FRMD4A: variants seen among roughly 807,000 people sequenced by gnomAD.
FRMD4A encodes FERM domain containing 4A.
Under a neutral mutation model 129.1 loss-of-function variants are expected in FRMD4A, and 29 were observed. The observed-to-expected ratio is 0.22, with a 90% CI of 0.17 to 0.31. The LOEUF (loss-of-function observed/expected upper bound fraction) is 0.31. Among genes scored for constraint, FRMD4A ranks in the 10% least tolerant of loss-of-function variants. The pLI is 1.00. For missense variants in FRMD4A, 1,272 were observed against 1,375.8 expected (o/e 0.92, Z 1.19); for synonymous variants, 634 against 571.6 (o/e 1.11, Z -1.56).
chr10:13,873,184 ATAAAAT>A (rs779779446), intron 2 of FRMD4A, among the ~76,000 whole-genome samples: 1 of 21,886 alleles, frequency 4.6e-5, no homozygotes, highest in Admixed American at 3.8e-4. Flanking sequence ...CTCAAAAAAA[ATAAAAT>A]AAAATAAAAA....
intron 5 of FRMD4A, among the ~76,000 whole-genome samples, chr10:13,785,367 C>T (rs2092828189): frequency 6.6e-6 from 1 of 152,314 alleles, no homozygotes; most frequent in African/African-American, 2.4e-5. Flanking sequence ...AATGGACTGG[C>T]TGATCTCTGC....
At chr10:13,995,158 C>G (rs1231163691) in intron 2 of FRMD4A, among the ~76,000 whole-genome samples, 2 of 152,128 alleles carry the variant, frequency 1.3e-5, no homozygotes, top group Non-Finnish European at 2.9e-5. Flanking sequence ...ACCTTAAGGC[C>G]ATTGACAGAA....
intron 2 of FRMD4A, among the ~76,000 whole-genome samples, chr10:13,983,326 A>T (rs1009703347): frequency 6.6e-6 from 1 of 151,798 alleles, no homozygotes; most frequent in Non-Finnish European, 1.5e-5. Flanking sequence ...GCAACCGTGA[A>T]ATTGACAAGC....
chr10:13,738,336 G>A (rs1284802056), intron 11 of FRMD4A, among the ~76,000 whole-genome samples: 1 of 152,166 alleles, frequency 6.6e-6, no homozygotes, highest in African/African-American at 2.4e-5. Flanking sequence ...AGGACCTTCT[G>A]GGCAGAGAAA....
At position 13,710,907 on chromosome 10, in the gene FRMD4A, G is replaced by A. The variant is rs922586021; in HGVS notation, c.760-3794C>T. ...TGGGCACCTGTAGTCCCAGCTACTTGGGAGGCTGAGACAAGAGAATCACTA... is the reference window on the plus strand; with the variant it reads ...TGGGCACCTGTAGTCCCAGCTACTTAGGAGGCTGAGACAAGAGAATCACTA... On this transcript the variant is annotated intron_variant, in intron 12 of 24. Transcript: ENST00000357447. Among the ~76,000 whole-genome samples the A allele has an allele frequency of 2.6e-5, 4 of 152,278 alleles. No individual in the cohort carries two copies. The East Asian group carries it at 7.7e-4, about 29-fold the overall frequency.
chr10:13,961,205 T>C (rs2095443971), intron 2 of FRMD4A, among the ~76,000 whole-genome samples: 1 of 152,162 alleles, frequency 6.6e-6, no homozygotes, highest in African/African-American at 2.4e-5. Context: ...CTTACAAAGA[T>C]GAGAAAGACA....
intron 2 of FRMD4A, among the ~76,000 whole-genome samples, chr10:13,886,896 G>A (rs1040342613): frequency 2.6e-5 from 4 of 152,178 alleles, no homozygotes; most frequent in African/African-American, 7.2e-5. Flanking sequence ...CAAAACATAC[G>A]CAGTAGCCAC....
intron 2 of FRMD4A, among the ~76,000 whole-genome samples, chr10:14,175,909 T>G (rs1420681328): frequency 1.3e-5 from 2 of 152,212 alleles, no homozygotes; most frequent in African/African-American, 2.4e-5. Context: ...ATGTACATCC[T>G]TTGACCAGAG....
intron 2 of FRMD4A, among the ~76,000 whole-genome samples, chr10:14,249,525 A>C (rs1223610613): frequency 1.3e-5 from 2 of 152,150 alleles, no homozygotes; most frequent in Non-Finnish European, 2.9e-5. Flanking sequence ...CCATCTCCTC[A>C]TGTCCAATTC....
At chr10:13,879,964 T>A (rs554001946) in intron 2 of FRMD4A, among the ~76,000 whole-genome samples, 1 of 151,966 alleles carries the variant, frequency 6.6e-6, no homozygotes, top group African/African-American at 2.4e-5. Context: ...TACATTATAT[T>A]CTTATTATTT....
Position 13,670,498 on chromosome 10 carries a change from G to T in FRMD4A, c.1282C>A (p.Pro428Thr). Residue 428 changes from proline to threonine, a missense_variant, in exon 17 of 25, where the codon CCC (proline) becomes ACC (threonine). Transcript: ENST00000357447. ...GGTGGTTCCTCCCCTGGATCCAGGG[G>T]ATATTCTACTGGCAGCTTGCCCGTG... is the stretch of plus-strand genomic sequence containing the variant. ...ELTGKLPVEY[P>T]LDPGEEPPIV... The T allele has an allele frequency of 6.2e-7, 1 of 1,613,430 alleles. No homozygotes were observed. The highest frequency in any genetic ancestry group is 8.5e-7 in the Non-Finnish European group (1 of 1,179,574).
chr10:14,056,864 AAAAT>A (rs912735502), intron 2 of FRMD4A, among the ~76,000 whole-genome samples: 1 of 152,196 alleles, frequency 6.6e-6, no homozygotes, highest in African/African-American at 2.4e-5. Flanking sequence ...ATAAATTTGA[AAAAT>A]AAATAAATAA....
At chr10:14,084,196 G>T (rs1809304) in intron 2 of FRMD4A, among the ~76,000 whole-genome samples, 33,199 of 152,082 alleles carry the variant, frequency 0.22, 3,956 homozygotes, top group East Asian at 0.38. Context: ...GCCCGGGCTG[G>T]AGTGCAGTGG....
Position 14,209,469 on chromosome 10 carries a change from G to C in FRMD4A, c.45+120589C>G, listed in dbSNP as rs530640747. Among the ~76,000 whole-genome samples the C allele has an allele frequency of 1.4e-3, 209 of 152,172 alleles. 1 individual carries two copies. The Middle Eastern group carries it at 0.017, about 12-fold the overall frequency. On this transcript the variant is annotated intron_variant, in intron 2 of 24. Coordinates refer to ENST00000357447, the MANE Select transcript of FRMD4A (RefSeq NM_018027.5). ...AAGAGTCCTCATAAGGAAAGTGGTG[G>C]GCATGGTGGCTCACGCCTGTAATCC...
chr10:14,181,471 C>A (rs748764754), intron 2 of FRMD4A, among the ~76,000 whole-genome samples: 1 of 152,096 alleles, frequency 6.6e-6, no homozygotes, highest in Admixed American at 6.5e-5. Flanking sequence ...TTCTTCCCGT[C>A]GTCACAGAGG....
chr10:14,055,530 A>G (rs1834484591), intron 2 of FRMD4A, among the ~76,000 whole-genome samples: 1 of 152,078 alleles, frequency 6.6e-6, no homozygotes, highest in African/African-American at 2.4e-5. Context: ...TGCACATAGC[A>G]CAAACTATAC....
At chr10:14,294,936 C>A (rs1845962677) in intron 2 of FRMD4A, among the ~76,000 whole-genome samples, 1 of 152,158 alleles carries the variant, frequency 6.6e-6, no homozygotes. Flanking sequence ...GGCAATCTAT[C>A]CTGGTATCAG....
intron 2 of FRMD4A, chr10:13,891,603 C>A: frequency 2.0e-6 from 2 of 985,374 alleles, no homozygotes; most frequent in African/African-American, 3.5e-5. Context: ...CCACCGCGAC[C>A]GGGAAACAAA....
At chr10:14,322,995 C>T (rs1244565149) in intron 2 of FRMD4A, among the ~76,000 whole-genome samples, 1 of 152,194 alleles carries the variant, frequency 6.6e-6, no homozygotes, top group African/African-American at 2.4e-5. Flanking sequence ...ATATTTTAGT[C>T]ATCTCCCTTC....
Sources: allele counts gnomAD v4.1 joint callset (sites outside exome capture counted in the v4.1 genomes callset), GRCh38; gene constraint gnomAD v4.1.1; transcripts MANE v1.5; gene names NCBI Gene and HGNC (gene_info 2026-07-23, HGNC 2026-07-21).